CLDN16: variants seen among roughly 807,000 people sequenced by gnomAD.
CLDN16 encodes the protein claudin 16, also known as claudin-16.
CLDN16 carries 13 observed loss-of-function variants against 24.6 expected under a neutral mutation model. That is an observed-to-expected ratio of 0.53 (90% CI 0.34 to 0.84). The LOEUF (loss-of-function observed/expected upper bound fraction) is 0.84. Among genes scored for constraint, CLDN16 ranks in the 40% least tolerant of loss-of-function variants. The probability of loss-of-function intolerance (pLI) is 0.01; values close to 1 mark genes in which losing one functional copy is unlikely to be tolerated. For missense variants in CLDN16, 298 were observed against 292.7 expected, an observed-to-expected ratio of 1.02 and a Z score of -0.13; for synonymous variants, 116 against 106.7, an observed-to-expected ratio of 1.09 and a Z score of -0.54.
At chr3:190,351,758 A>G (rs1717676165) in intron 1 of CLDN16, among the ~76,000 whole-genome samples, 1 of 152,196 alleles carries the variant, frequency 6.6e-6, no homozygotes, top group South Asian at 2.1e-4. Flanking sequence ...CAAACTAGGT[A>G]AATAATTAAT....
At chr3:190,387,355 TATAAC>T (rs1718528391), upstream of CLDN16, among the ~76,000 whole-genome samples, 2 of 107,570 alleles carry the variant, frequency 1.9e-5, no homozygotes, top group South Asian at 2.7e-4. Flanking sequence ...TTCTTCCTAA[TATAAC>T]AGTTTTTTTT....
At chr3:190,312,918 C>G in the CLDN16 span, 5 of 1,614,200 alleles carry the variant, frequency 3.1e-6, no homozygotes, top group Non-Finnish European at 4.2e-6. Flanking sequence ...TCCTCATCTT[C>G]TGCACCTCAT....
At position 190,330,213 on chromosome 3, in the gene CLDN16, C is replaced by G. The variant is rs187311067; in HGVS notation, n.121+7552C>G. On this transcript the variant is annotated intron_variant and non_coding_transcript_variant, in intron 1 of 4. Coordinates refer to the CLDN16 transcript ENST00000468220. ...CTGCCTGAGATTCTAGAGGCAGAAA[C>G]TTGAACGACCTTTTGTTTACTGAAA... 2.0e-5 allele frequency among the ~76,000 whole-genome samples: 3 copies of G among 152,238 alleles called. No individual in the cohort carries two copies. In the East Asian group the frequency reaches 5.8e-4, roughly 29 times the overall value.
intron 1 of CLDN16, among the ~76,000 whole-genome samples, chr3:190,324,414 C>T (rs1362588160): frequency 2.6e-5 from 4 of 152,094 alleles, no homozygotes; most frequent in East Asian, 1.9e-4. Flanking sequence ...ACCCGGGAGG[C>T]GGAGGTGGCA....
chr3:190,295,096 G>T, the CLDN16 span, among the ~76,000 whole-genome samples: 1 of 152,006 alleles, frequency 6.6e-6, no homozygotes, highest in East Asian at 1.9e-4. Context: ...GGCAAGACAC[G>T]CTCATATTCA....
upstream of CLDN16, among the ~76,000 whole-genome samples, chr3:190,386,512 G>A (rs1718501281): frequency 6.6e-6 from 1 of 152,110 alleles, no homozygotes; most frequent in Non-Finnish European, 1.5e-5. Context: ...GGTGGGTAGT[G>A]CATACAATGT....
Position 190,404,748 on chromosome 3 carries a change from C to T in CLDN16, c.218-14C>T, listed in dbSNP as rs369491187. 5.6e-6 allele frequency: 9 copies of T among 1,613,740 alleles called. No homozygotes were observed. The highest frequency in any genetic ancestry group is 2.7e-5 in the African/African-American group (2 of 75,012). The stretch of plus-strand genomic sequence containing the variant: ...CTTCTGACTCTGCTTTAACCATATG[C>T]CCTGGTCTTCCAGTGAAGCTGGTGG... On this transcript the variant is annotated splice_polypyrimidine_tract_variant and intron_variant, in intron 2 of 4. Coordinates refer to ENST00000264734, the MANE Select transcript of CLDN16 (RefSeq NM_006580.4).
chr3:190,387,804 TGTC>T (rs1389409067), upstream of CLDN16: 2 of 361,244 alleles, frequency 5.5e-6, no homozygotes, highest in Admixed American at 8.0e-5. Context: ...GTGGCCTGTC[TGTC>T]TAAAGTAGTC....
In CLDN16 at chr3:190,402,338, T is replaced by C. The variant is rs1190419654; in HGVS notation, c.116T>C (p.Val39Ala). Residue 39 changes from valine (V) to alanine (A), a missense_variant and splice_region_variant, in exon 2 of 5, where the codon GTG (valine) becomes GCG (alanine). Val to Ala is a moderately conservative substitution (Grantham distance 64). Transcript: ENST00000264734. Reference protein sequence around the residue: ...WMVNADDSLEVSTKCRGLWWE... With the variant: ...WMVNADDSLEASTKCRGLWWE... ...CACGGTGTCTTCTCTAACATCTAGG[T>C]GAGCACAAAATGCCGAGGCCTCTGG... is the stretch of plus-strand genomic sequence containing the variant. 1.9e-6 allele frequency: 3 copies of C among 1,612,962 alleles called. No homozygotes were observed. Among genetic ancestry groups the C allele is most frequent in the Non-Finnish European group, 2.5e-6 (3 of 1,178,990 alleles).
At chr3:190,297,122 A>T in the CLDN16 span, among the ~76,000 whole-genome samples, 2 of 152,076 alleles carry the variant, frequency 1.3e-5, no homozygotes, top group African/African-American at 2.4e-5. Flanking sequence ...CAAATGTTTC[A>T]TTGTAGAGTG....
chr3:190,386,717 G>A (rs1191247314), upstream of CLDN16, among the ~76,000 whole-genome samples: 1 of 152,102 alleles, frequency 6.6e-6, no homozygotes, highest in Non-Finnish European at 1.5e-5. Flanking sequence ...GATAGCAGGG[G>A]TGGTACTGTA....
At chr3:190,291,952 G>A in the CLDN16 span, among the ~76,000 whole-genome samples, 7 of 152,268 alleles carry the variant, frequency 4.6e-5, no homozygotes, top group East Asian at 1.4e-3. Context: ...ACAGCCTTGG[G>A]AAACTCCTTC....
chr3:190,354,116 A>G (rs1457966119), intron 1 of CLDN16, among the ~76,000 whole-genome samples: 3 of 151,890 alleles, frequency 2.0e-5, no homozygotes, highest in Non-Finnish European at 4.4e-5. Flanking sequence ...CTATGTCTGT[A>G]TTGAATCTCT....
At chr3:190,356,093 A>G (rs1425430684) in intron 1 of CLDN16, among the ~76,000 whole-genome samples, 1 of 151,744 alleles carries the variant, frequency 6.6e-6, no homozygotes, top group East Asian at 1.9e-4. Context: ...AGGAAAATCA[A>G]TATGATTTTT....
At chr3:190,399,364 T>G (rs1467071461) in intron 1 of CLDN16, among the ~76,000 whole-genome samples, 2 of 148,218 alleles carry the variant, frequency 1.3e-5, no homozygotes, top group African/African-American at 2.5e-5. Context: ...AAAAAAAAAG[T>G]AGCCTGGCGT....
chr3:190,341,217 C>A (rs967452501), intron 1 of CLDN16, among the ~76,000 whole-genome samples: 1 of 152,170 alleles, frequency 6.6e-6, no homozygotes, highest in Non-Finnish European at 1.5e-5. Flanking sequence ...GTGGGGGCTC[C>A]AACCCCACAT....
intron 1 of CLDN16, among the ~76,000 whole-genome samples, chr3:190,395,364 G>T (rs1159259415): frequency 6.6e-6 from 1 of 151,932 alleles, no homozygotes; most frequent in Non-Finnish European, 1.5e-5. Flanking sequence ...AAAAAGAAAA[G>T]GCAACATTGA....
At chr3:190,387,621 C>G (rs1285486612), upstream of CLDN16, among the ~76,000 whole-genome samples, 3 of 152,120 alleles carry the variant, frequency 2.0e-5, no homozygotes, top group African/African-American at 7.2e-5. Flanking sequence ...AATTTCCACC[C>G]AGAGCTGTCT....
intron 3 of CLDN16, among the ~76,000 whole-genome samples, chr3:190,407,919 T>C (rs1719146760): frequency 6.6e-6 from 1 of 152,212 alleles, no homozygotes; most frequent in Middle Eastern, 3.2e-3. Context: ...AATGAACATA[T>C]GCTCTATGTT....
Sources: gnomAD v4.1 joint callset for allele counts (sites outside exome capture counted in the v4.1 genomes callset) on GRCh38, gnomAD v4.1.1 for gene constraint, MANE v1.5 for transcripts, NCBI Gene and HGNC (gene_info 2026-07-23, HGNC 2026-07-21) for gene names.